The following DIPK1A variants were observed in gnomAD, a reference collection of about 807,000 sequenced individuals.
The protein encoded by DIPK1A is divergent protein kinase domain 1A.
Under a neutral mutation model 40.8 loss-of-function variants are expected in DIPK1A, and 27 were observed. The observed-to-expected ratio is 0.66, with a 90% CI of 0.49 to 0.91. The LOEUF is 0.91. Ranked by LOEUF, DIPK1A falls within the 40% of genes least tolerant of loss-of-function variation. The pLI, the probability that DIPK1A is intolerant of heterozygous loss-of-function variation, is 0.00. For synonymous variants in DIPK1A, 166 were observed against 171.3 expected (o/e 0.97, Z 0.24); for missense variants, 412 against 505.7 (o/e 0.81, Z 1.78).
chr1:92,834,217 C>T (rs561579234), intron 4 of DIPK1A, among the ~76,000 whole-genome samples: 29 of 152,300 alleles, frequency 1.9e-4, no homozygotes, highest in African/African-American at 7.0e-4. Context: ...TGCCACTTAA[C>T]CACTGAAAAG....
chr1:92,927,261 G>A (rs1238522705), intron 1 of DIPK1A, among the ~76,000 whole-genome samples: 2 of 151,874 alleles, frequency 1.3e-5, no homozygotes, highest in African/African-American at 4.8e-5. Context: ...GTCCCACAAG[G>A]TCACAAGGTC....
rs540484371 is a variant in DIPK1A, at chr1:92,858,124, C to T, written c.190-7169G>A. On this transcript the variant is annotated intron_variant, in intron 2 of 4. Transcript: ENST00000370310. ...GCTGGGTTTTTATCCGGAAGTAGGG[C>T]CCTCTGTCATGAACAATTCATGGGA... 2.0e-5 allele frequency among the ~76,000 whole-genome samples: 3 copies of T among 152,264 alleles called. No individual in the cohort carries two copies. In the South Asian group the frequency reaches 6.2e-4, roughly 32 times the overall value.
intron 4 of DIPK1A, chr1:92,833,360 A>C (rs186600450): frequency 1.3e-6 from 2 of 1,558,956 alleles, no homozygotes; most frequent in Non-Finnish European, 1.8e-6. Flanking sequence ...AAGACATCAA[A>C]GTTTTAATAA....
chr1:92,873,259 A>G (rs1034448615), intron 2 of DIPK1A, among the ~76,000 whole-genome samples: 29 of 152,240 alleles, frequency 1.9e-4, no homozygotes, highest in African/African-American at 7.0e-4. Context: ...TGTATATTTC[A>G]ATTTTAGATC....
chr1:92,896,188 C>T (rs1301933321), intron 1 of DIPK1A, among the ~76,000 whole-genome samples: 1 of 152,108 alleles, frequency 6.6e-6, no homozygotes, highest in African/African-American at 2.4e-5. Flanking sequence ...AAAGAGCCCG[C>T]ATTGCCAAGT....
intron 1 of DIPK1A, among the ~76,000 whole-genome samples, chr1:92,929,028 T>C (rs952457822): frequency 2.0e-5 from 3 of 152,192 alleles, no homozygotes; most frequent in Non-Finnish European, 4.4e-5. Flanking sequence ...ACTTGTTCAA[T>C]TACTATACAT....
In DIPK1A at chr1:92,922,258, C is replaced by T. The variant is rs140525358; in HGVS notation, c.54+39118G>A. ...TTTCAAAAGTAGAAGATTTGAAAAT[C>T]ACAACTTAGTAGTCATTTAATTTTT... On this transcript the variant is annotated intron_variant, in intron 1 of 4. Coordinates refer to ENST00000370310, the MANE Select transcript of DIPK1A (RefSeq NM_001006605.5). Among the ~76,000 whole-genome samples, 338 of 151,660 alleles carry T rather than the reference C, an allele frequency of 2.2e-3. 2 individuals carry two copies. Among genetic ancestry groups the T allele is most frequent in the African/African-American group, 7.6e-3 (315 of 41,378 alleles).
At chr1:92,850,237 T>C (rs545746226) in intron 3 of DIPK1A, among the ~76,000 whole-genome samples, 1 of 152,284 alleles carries the variant, frequency 6.6e-6, no homozygotes, top group South Asian at 2.1e-4. Context: ...CCCAAAGTGT[T>C]GGGATTACAT....
At chr1:92,832,809 G>T in exon 5 of DIPK1A, 1 of 578,992 alleles carries the variant, frequency 1.7e-6, no homozygotes, top group Non-Finnish European at 3.1e-6. Context: ...CTGTTTTAGT[G>T]GGGGAATTAC....
At chr1:92,947,435 C>CA (rs1651419686) in intron 1 of DIPK1A, among the ~76,000 whole-genome samples, 1 of 151,970 alleles carries the variant, frequency 6.6e-6, no homozygotes, top group East Asian at 1.9e-4. Context: ...ACCAAAAAGA[C>CA]AAAAAATAAC....
intron 1 of DIPK1A, among the ~76,000 whole-genome samples, chr1:92,940,863 T>C (rs561946430): frequency 2.7e-3 from 415 of 152,342 alleles, no homozygotes; most frequent in Non-Finnish European, 4.7e-3. Flanking sequence ...TGCAATTCCC[T>C]AATGGTTAAT....
chr1:92,873,540 G>A (rs750455130), intron 2 of DIPK1A, among the ~76,000 whole-genome samples: 2 of 151,460 alleles, frequency 1.3e-5, no homozygotes, highest in African/African-American at 2.4e-5. Flanking sequence ...ATTTGAACCC[G>A]GGAGGCAGAG....
intron 1 of DIPK1A, among the ~76,000 whole-genome samples, chr1:92,906,584 T>C (rs1649631588): frequency 6.6e-6 from 1 of 152,166 alleles, no homozygotes; most frequent in East Asian, 1.9e-4. Context: ...AGTATGATAA[T>C]GTATATAATA....
rs1416699367 is a variant in DIPK1A, at chr1:92,880,780, G to T, written c.55-4350C>A. ...AGCCACTTGGGAGGCTGGGACAGGA[G>T]AATCGCTTGAACTCGGGAGGCAGAG... is the stretch of plus-strand genomic sequence containing the variant. On this transcript the variant is annotated intron_variant, in intron 1 of 4. Coordinates refer to ENST00000370310, the MANE Select transcript of DIPK1A (RefSeq NM_001006605.5). Among the ~76,000 whole-genome samples the T allele has an allele frequency of 2.0e-5, 3 of 152,192 alleles. No homozygotes were observed. In the East Asian group the frequency reaches 5.8e-4, roughly 29 times the overall value.
chr1:92,901,114 T>C (rs1278630508), intron 1 of DIPK1A, among the ~76,000 whole-genome samples: 8 of 152,112 alleles, frequency 5.3e-5, no homozygotes, highest in African/African-American at 1.7e-4. Flanking sequence ...CTCAATGGCA[T>C]AGGCTATAGA....
At chr1:92,834,654 C>T in intron 4 of DIPK1A, 1 of 1,310,872 alleles carries the variant, frequency 7.6e-7, no homozygotes, top group Non-Finnish European at 1.1e-6. Flanking sequence ...AGCTAAGAGT[C>T]TTAAGCATTT....
At chr1:92,948,316 G>C (rs1331976192) in intron 1 of DIPK1A, among the ~76,000 whole-genome samples, 6 of 152,168 alleles carry the variant, frequency 3.9e-5, no homozygotes, top group Non-Finnish European at 5.9e-5. Context: ...AGGATTGCTA[G>C]AGCAAATGGT....
intron 1 of DIPK1A, among the ~76,000 whole-genome samples, chr1:92,936,884 T>G (rs776587252): frequency 1.4e-4 from 22 of 152,190 alleles, no homozygotes; most frequent in Admixed American, 2.0e-4. Context: ...CTTTTGCTTT[T>G]CTACTACTTG....
chr1:92,838,019 G>A (rs1687194254), downstream of DIPK1A, among the ~76,000 whole-genome samples: 3 of 152,202 alleles, frequency 2.0e-5, no homozygotes, highest in Non-Finnish European at 2.9e-5. Flanking sequence ...CAGGAAAAGA[G>A]ATTTGATCAC....
Sources: allele counts gnomAD v4.1 joint callset (sites outside exome capture counted in the v4.1 genomes callset), GRCh38; gene constraint gnomAD v4.1.1; transcripts MANE v1.5; gene names NCBI Gene and HGNC (gene_info 2026-07-23, HGNC 2026-07-21).